The following FER variants were observed in gnomAD, a reference collection of about 807,000 sequenced individuals.
The protein encoded by FER is FER tyrosine kinase.
In FER, 63 loss-of-function variants were observed where a neutral mutation model predicts 111.0. The observed-to-expected ratio is 0.57, with a 90% CI of 0.46 to 0.70. The LOEUF (loss-of-function observed/expected upper bound fraction) is 0.70, where lower values mean the gene tolerates loss of function less well. Among genes scored for constraint, FER ranks in the 30% least tolerant of loss-of-function variants. FER has a pLI of 0.00. For synonymous variants in FER, 327 were observed against 313.9 expected, an observed-to-expected ratio of 1.04 and a Z score of -0.44; for missense variants, 914 against 954.0, an observed-to-expected ratio of 0.96 and a Z score of 0.55.
intron 18 of FER, among the ~76,000 whole-genome samples, chr5:109,183,999 A>T (rs1348933524): frequency 3.3e-5 from 5 of 151,384 alleles, no homozygotes; most frequent in Admixed American, 6.6e-5. Context: ...CATATACTTT[A>T]AAAAAAAATA....
chr5:108,789,818 G>T (rs1389684038), intron 2 of FER, among the ~76,000 whole-genome samples: 1 of 151,964 alleles, frequency 6.6e-6, no homozygotes, highest in Non-Finnish European at 1.5e-5. Flanking sequence ...GGACAGGCTG[G>T]TCTCGAACTC....
intron 16 of FER, among the ~76,000 whole-genome samples, chr5:109,056,366 G>A (rs1255904180): frequency 6.6e-6 from 1 of 152,152 alleles, no homozygotes; most frequent in Non-Finnish European, 1.5e-5. Flanking sequence ...TGTTACATAT[G>A]TTCAGTAGAA....
intron 16 of FER, among the ~76,000 whole-genome samples, chr5:109,072,717 G>T (rs1775910986): frequency 6.6e-6 from 1 of 151,934 alleles, no homozygotes; most frequent in African/African-American, 2.4e-5. Context: ...TGGTTTGATA[G>T]GACTGAAGTA....
chr5:108,919,725 A>G (rs1048039138), intron 10 of FER, among the ~76,000 whole-genome samples: 5 of 152,214 alleles, frequency 3.3e-5, no homozygotes, highest in East Asian at 1.9e-4. Context: ...GGCAGATTCA[A>G]ACTCAAATAG....
intron 17 of FER, among the ~76,000 whole-genome samples, chr5:109,131,225 C>T (rs989825015): frequency 2.0e-5 from 3 of 152,178 alleles, no homozygotes; most frequent in Admixed American, 1.3e-4. Context: ...AAGACCTCAA[C>T]TGTTCATTTA....
At chr5:108,977,329 T>C (rs1464483164) in intron 13 of FER, among the ~76,000 whole-genome samples, 1 of 152,248 alleles carries the variant, frequency 6.6e-6, no homozygotes, top group Non-Finnish European at 1.5e-5. Context: ...GTAAATAAGA[T>C]AGACTAATAG....
At chr5:108,867,596 C>G (rs1764195867) in intron 5 of FER, among the ~76,000 whole-genome samples, 171 bp from the exon 6 acceptor site, 1 of 152,034 alleles carries the variant, frequency 6.6e-6, no homozygotes, top group African/African-American at 2.4e-5. Context: ...ATTTGCAAAT[C>G]TAACAGTACC....
Position 108,798,305 on chromosome 5 carries a change from A to C in FER, c.123A>C (p.Glu41Asp). The change falls in exon 3 of 20, where the codon GAA (glutamate) becomes GAC (aspartate). Residue 41 changes from glutamate to aspartate, a missense_variant. Physicochemically the swap from Glu to Asp is conservative, Grantham distance 45 (BLOSUM62 2). Around this residue, in one of 3 missense-constraint regions of FER, gnomAD observed 774 missense variants for 782.6 expected, o/e 0.99. Transcript: ENST00000281092. Reference protein sequence around the residue: ...FMALRIKSDKEYASTLQNLCN... With the variant: ...FMALRIKSDKDYASTLQNLCN... ...CCCTGAGAATAAAAAGTGATAAAGA[A>C]TATGCATCTACTTTACAGAACCTTT... The C allele has an allele frequency of 6.2e-7, 1 of 1,614,016 alleles. No individual in the cohort carries two copies. Among genetic ancestry groups the C allele is most frequent in the Non-Finnish European group, 8.5e-7 (1 of 1,179,870 alleles).
At chr5:109,141,881 G>A (rs932776909) in intron 17 of FER, among the ~76,000 whole-genome samples, 6 of 152,098 alleles carry the variant, frequency 3.9e-5, no homozygotes, top group African/African-American at 1.2e-4. Context: ...TGGAGTGTAG[G>A]TTTCAGAACA....
chr5:108,866,555 T>C (rs1764086918), intron 5 of FER, among the ~76,000 whole-genome samples: 1 of 151,844 alleles, frequency 6.6e-6, no homozygotes, highest in African/African-American at 2.4e-5. Context: ...CTGCATGTTG[T>C]GCACATGTAC....
chr5:108,779,189 C>T (rs907098302), intron 2 of FER, among the ~76,000 whole-genome samples: 1 of 152,142 alleles, frequency 6.6e-6, no homozygotes, highest in South Asian at 2.1e-4. Context: ...GCTCATGCCA[C>T]ACTTGTCTTG....
At chr5:108,992,957 C>T (rs1467131917) in intron 13 of FER, among the ~76,000 whole-genome samples, 6 of 149,014 alleles carry the variant, frequency 4.0e-5, no homozygotes, top group Non-Finnish European at 7.4e-5. Context: ...CGGGCAGAGA[C>T]GCTCCTCACT....
chr5:108,777,099 G>A (rs184370065), intron 2 of FER, among the ~76,000 whole-genome samples: 21 of 152,284 alleles, frequency 1.4e-4, no homozygotes, highest in African/African-American at 4.8e-4. Context: ...ATTGCTTGAG[G>A]CCAGAAGTTG....
At chr5:109,094,140 A>G (rs1367172519) in intron 16 of FER, among the ~76,000 whole-genome samples, 1 of 151,002 alleles carries the variant, frequency 6.6e-6, no homozygotes, top group Non-Finnish European at 1.5e-5. Flanking sequence ...GCCTCCAGAC[A>G]TAAAAAATTA....
intron 5 of FER, among the ~76,000 whole-genome samples, chr5:108,846,311 G>A (rs1580846948): frequency 6.6e-6 from 1 of 152,188 alleles, no homozygotes; most frequent in East Asian, 1.9e-4. Flanking sequence ...GGTGGCATGT[G>A]TTGGTTGTCC....
At chr5:109,118,653 G>T (rs1750576954) in intron 17 of FER, among the ~76,000 whole-genome samples, 1 of 152,014 alleles carries the variant, frequency 6.6e-6, no homozygotes, top group Admixed American at 6.6e-5. Context: ...TTTTTGGTTG[G>T]TAGGCTATTA....
intron 11 of FER, among the ~76,000 whole-genome samples, chr5:108,950,823 C>G (rs563444736): frequency 1.3e-5 from 2 of 152,176 alleles, no homozygotes; most frequent in Non-Finnish European, 2.9e-5. Context: ...ATTACATTTC[C>G]CTTTCACTGC....
chr5:109,180,136 GA>G (rs1229550839), intron 17 of FER, among the ~76,000 whole-genome samples: 1 of 152,190 alleles, frequency 6.6e-6, no homozygotes, highest in Admixed American at 6.5e-5. Context: ...ATATATTAAT[GA>G]TAGGGAGACT....
At chr5:108,921,840 G>T (rs570349882) in intron 10 of FER, among the ~76,000 whole-genome samples, 4 of 152,262 alleles carry the variant, frequency 2.6e-5, no homozygotes, top group Admixed American at 1.3e-4. Context: ...TAAAGAGAGT[G>T]CCCCAGCAAT....
Sources: gnomAD v4.1 joint callset for allele counts (sites outside exome capture counted in the v4.1 genomes callset) on GRCh38, gnomAD v4.1.1 for gene constraint, gnomAD v4.1.1 regional missense constraint, MANE v1.5 for transcripts, NCBI Gene and HGNC (gene_info 2026-07-23, HGNC 2026-07-21) for gene names.